The following RFC1 variants were observed in gnomAD, a reference collection of about 807,000 sequenced individuals.
The protein encoded by RFC1 is replication factor C subunit 1, also known as A1 140 kDa subunit.
RFC1 carries 37 observed loss-of-function variants against 137.4 expected under a neutral mutation model. That is an observed-to-expected ratio of 0.27 (90% CI 0.21 to 0.35). The LOEUF is 0.35. Among genes scored for constraint, RFC1 ranks in the 10% least tolerant of loss-of-function variants. RFC1 has a pLI of 1.00. For missense variants in RFC1, 1,205 were observed against 1,358.5 expected (o/e 0.89, Z 1.78); for synonymous variants, 429 against 455.7 (o/e 0.94, Z 0.75).
chr4:39,365,242 A>T (rs1448219963), intron 1 of RFC1, among the ~76,000 whole-genome samples: 1 of 151,420 alleles, frequency 6.6e-6, no homozygotes, highest in African/African-American at 2.4e-5. Flanking sequence ...AGCTACTATC[A>T]TTACTGTTGC....
intron 8 of RFC1, 32 bp downstream of exon 8, chr4:39,321,255 T>C: frequency 2.7e-6 from 4 of 1,486,704 alleles, no homozygotes; most frequent in Non-Finnish European, 3.7e-6. Flanking sequence ...TGAAGACAAG[T>C]GCTCCATCTT....
chr4:39,314,490 C>T (rs1318015397), intron 10 of RFC1, among the ~76,000 whole-genome samples: 2 of 152,224 alleles, frequency 1.3e-5, no homozygotes, highest in African/African-American at 4.8e-5. Flanking sequence ...CCAGGAGCAG[C>T]CAGCCACCCC....
chr4:39,348,729 T>C (rs543086744), intron 2 of RFC1, among the ~76,000 whole-genome samples: 1 of 152,100 alleles, frequency 6.6e-6, no homozygotes, highest in African/African-American at 2.4e-5. Flanking sequence ...CTTCAAAAGA[T>C]GGAGCTTGGT....
chr4:39,351,283 A>AAT, intron 2 of RFC1, 65 bp downstream of exon 2: 1 of 485,312 alleles, frequency 2.1e-6, no homozygotes, highest in Non-Finnish European at 3.0e-6. Flanking sequence ...AAAAAAAAAA[A>AAT]AACTTATAAG....
chr4:39,298,709 T>C (rs1434507652), intron 21 of RFC1, among the ~76,000 whole-genome samples: 1 of 152,114 alleles, frequency 6.6e-6, no homozygotes, highest in Non-Finnish European at 1.5e-5. Flanking sequence ...AAAACAAGGA[T>C]TCTTAAGGTA....
At position 39,304,884 on chromosome 4, in the gene RFC1, C is replaced by G. The variant is rs2066792; in HGVS notation, c.2040G>C (p.Arg680=). The change falls in exon 15 of 25, where the codon CGG becomes CGC. Residue 680 remains arginine, a synonymous_variant. Transcript: ENST00000349703. ...CAATCGCCTTCAAACTGCTCTTACT[C>G]CGGGTGTCACTTGCATTCAGTTCCA... ...SYVELNASDT[R]SKSSLKAIVA... 20,611 of 1,613,452 alleles carry G rather than the reference C, an allele frequency of 0.013. 2,344 individuals are homozygous for G. The African/African-American group carries it at 0.24, about 19-fold the overall frequency.
intron 3 of RFC1, among the ~76,000 whole-genome samples, chr4:39,343,747 A>T (rs1740716492): frequency 1.3e-5 from 2 of 152,224 alleles, no homozygotes; most frequent in African/African-American, 4.8e-5. Context: ...GTACTTTCAG[A>T]ATTCAGAACC....
rs377688011 is a variant in RFC1 at position 39,289,898 on chromosome 4, G to A, written c.3310C>T (p.Gln1104Ter). The A allele has an allele frequency of 6.2e-7, 1 of 1,613,108 alleles. No individual in the cohort carries two copies. Among genetic ancestry groups the A allele is most frequent in the Non-Finnish European group, 8.5e-7 (1 of 1,179,198 alleles). Reference protein sequence around the residue: ...YNEELNEDDSQSDEKDQDAIE... With the variant: ...YNEELNEDDS The stretch of plus-strand genomic sequence containing the variant: ...GCATCTTGGTCTTTCTCATCAGATT[G>A]AGAGTCATCTTCATTTAATTCTTCA... The change falls in exon 24 of 25, where the codon CAA becomes TAA. Residue 1104 changes from glutamine (Q) to a stop codon, truncating the protein, a stop_gained. Coordinates refer to ENST00000349703, the MANE Select transcript of RFC1 (RefSeq NM_002913.5). LOFTEE classifies it high-confidence loss of function.
At chr4:39,288,875 T>C in intron 24 of RFC1, 31 bp from the exon 25 acceptor site, 1 of 1,316,926 alleles carries the variant, frequency 7.6e-7, no homozygotes, top group Non-Finnish European at 1.1e-6. Context: ...AAATAGTTAA[T>C]AGCTGTGTTT....
intron 1 of RFC1, among the ~76,000 whole-genome samples, chr4:39,359,513 C>A (rs1741642208): frequency 2.6e-5 from 4 of 152,134 alleles, no homozygotes; most frequent in Admixed American, 2.6e-4. Flanking sequence ...GGGAGCTAAG[C>A]TATGAGGATG....
At position 39,345,503 on chromosome 4, in the gene RFC1, C is replaced by T. The variant is rs755193373; in HGVS notation, c.133-27G>A. On this transcript the variant is annotated intron_variant, in intron 2 of 24. Transcript: ENST00000349703. Reference sequence around the variant, plus strand: ...TATAAACATCACAATATAATTAGAACATAAAGAAGCCTATATAACTATCTT... The same window carrying T: ...TATAAACATCACAATATAATTAGAATATAAAGAAGCCTATATAACTATCTT... The T allele has an allele frequency of 3.2e-6, 5 of 1,543,592 alleles. No homozygotes were observed. The Admixed American group carries it at 5.5e-5, about 17-fold the overall frequency.
intron 4 of RFC1, among the ~76,000 whole-genome samples, chr4:39,337,054 G>A (rs1433094822): frequency 6.6e-6 from 1 of 152,158 alleles, no homozygotes; most frequent in Non-Finnish European, 1.5e-5. Context: ...AAGGAAGAAG[G>A]GAGGGTTAAG....
intron 1 of RFC1, among the ~76,000 whole-genome samples, chr4:39,359,694 C>T (rs558642286): frequency 2.0e-5 from 3 of 151,812 alleles, no homozygotes; most frequent in Non-Finnish European, 2.9e-5. Flanking sequence ...TGGTGGCGGG[C>T]GCCTGTAGTC....
intron 11 of RFC1, 142 bp from the exon 12 acceptor site, chr4:39,311,691 AAAAC>A (rs752276713): frequency 1.0e-4 from 59 of 578,288 alleles, no homozygotes; most frequent in Non-Finnish European, 1.6e-4. Flanking sequence ...TTAAAAAAGA[AAAAC>A]AAAAAATAGC....
intron 12 of RFC1, among the ~76,000 whole-genome samples, chr4:39,310,589 G>A (rs1738917150): frequency 6.6e-6 from 1 of 152,162 alleles, no homozygotes; most frequent in African/African-American, 2.4e-5. Context: ...CTAACTAGTA[G>A]AAACAGAGAG....
rs576700389 is a variant in RFC1, at chr4:39,351,794, T to G, written c.4-318A>C. On this transcript the variant is annotated intron_variant, in intron 1 of 24. Coordinates refer to ENST00000349703, the MANE Select transcript of RFC1 (RefSeq NM_002913.5). Reference sequence around the variant, plus strand: ...CTGGCCAACATGGTGAAACCCCGTTTCTACTAAAAATACAAAAAATTAGCT... The same window carrying G: ...CTGGCCAACATGGTGAAACCCCGTTGCTACTAAAAATACAAAAAATTAGCT... 1.0e-3 allele frequency among the ~76,000 whole-genome samples: 153 copies of G among 151,932 alleles called. 1 individual carries two copies. Among genetic ancestry groups the G allele is most frequent in the Non-Finnish European group, 1.9e-3 (132 of 67,956 alleles).
chr4:39,363,089 A>C (rs1480253707), intron 1 of RFC1, among the ~76,000 whole-genome samples: 3 of 152,208 alleles, frequency 2.0e-5, no homozygotes, highest in Non-Finnish European at 4.4e-5. Context: ...GCTGTTCCTT[A>C]AGTCTCATGT....
intron 22 of RFC1, among the ~76,000 whole-genome samples, chr4:39,294,405 C>T (rs1338862363): frequency 2.0e-5 from 3 of 152,232 alleles, no homozygotes; most frequent in African/African-American, 4.8e-5. Flanking sequence ...GGGCGTGTGG[C>T]TCACGCCTGT....
chr4:39,297,682 T>C (rs368649442), intron 21 of RFC1: 1 of 152,416 alleles, frequency 6.6e-6, no homozygotes. Flanking sequence ...ATCGTTCCAA[T>C]TTTAGTATAT....
Sources: gnomAD v4.1 joint callset for allele counts (sites outside exome capture counted in the v4.1 genomes callset) on GRCh38, gnomAD v4.1.1 for gene constraint, MANE v1.5 for transcripts, NCBI Gene and HGNC (gene_info 2026-07-23, HGNC 2026-07-21) for gene names.